The following KCNG3 variants were observed in gnomAD, a reference collection of about 807,000 sequenced individuals.
KCNG3 encodes the protein potassium voltage-gated channel modifier subfamily G member 3.
Under a neutral mutation model 29.0 loss-of-function variants are expected in KCNG3, and 15 were observed. That is an observed-to-expected ratio of 0.52 (90% CI 0.35 to 0.80). The LOEUF (loss-of-function observed/expected upper bound fraction) is 0.80. Among genes scored for constraint, KCNG3 ranks in the 30% least tolerant of loss-of-function variants. The pLI, the probability that KCNG3 is intolerant of heterozygous loss-of-function variation, is 0.01. For missense variants in KCNG3, 512 were observed against 605.7 expected (o/e 0.85, Z 1.62); for synonymous variants, 322 against 248.9 (o/e 1.29, Z -2.76).
At chr2:42,483,387 TCA>T (rs1673640067) in intron 1 of KCNG3, among the ~76,000 whole-genome samples, 1 of 152,188 alleles carries the variant, frequency 6.6e-6, no homozygotes, top group African/African-American at 2.4e-5. Flanking sequence ...AAATATATAC[TCA>T]CACCAATTTG....
chr2:42,459,800 C>T (rs919468148), intron 1 of KCNG3, among the ~76,000 whole-genome samples: 6 of 151,988 alleles, frequency 3.9e-5, no homozygotes, highest in Non-Finnish European at 8.8e-5. Context: ...CATGGTGAAA[C>T]GCTGTCTCTA....
At chr2:42,482,299 T>A (rs780979649) in intron 1 of KCNG3, among the ~76,000 whole-genome samples, 1 of 152,170 alleles carries the variant, frequency 6.6e-6, no homozygotes, top group Non-Finnish European at 1.5e-5. Flanking sequence ...AACCTACAGA[T>A]CGGGCATAGT....
the KCNG3 span, among the ~76,000 whole-genome samples, chr2:42,430,897 G>T: frequency 6.6e-6 from 1 of 152,012 alleles, no homozygotes; most frequent in Admixed American, 6.6e-5. Flanking sequence ...ATCGCTTGAG[G>T]CCAGGAGTTT....
chr2:42,425,456 C>A, the KCNG3 span, among the ~76,000 whole-genome samples: 1 of 148,382 alleles, frequency 6.7e-6, no homozygotes, highest in Non-Finnish European at 1.5e-5. Flanking sequence ...AGTGGGGATG[C>A]GGGGTGTAGA....
intron 1 of KCNG3, among the ~76,000 whole-genome samples, chr2:42,487,992 C>T (rs1185915792): frequency 6.6e-6 from 1 of 152,172 alleles, no homozygotes; most frequent in Non-Finnish European, 1.5e-5. Flanking sequence ...GTGTATTACA[C>T]TGTATTTCTG....
At chr2:42,429,785 A>C in the KCNG3 span, among the ~76,000 whole-genome samples, 1 of 152,206 alleles carries the variant, frequency 6.6e-6, no homozygotes, top group South Asian at 2.1e-4. Flanking sequence ...GAAGCTGGAA[A>C]GTATGAAGAG....
the KCNG3 span, among the ~76,000 whole-genome samples, chr2:42,429,625 T>G: frequency 8.5e-5 from 13 of 152,300 alleles, no homozygotes; most frequent in African/African-American, 3.1e-4. Flanking sequence ...AGGATGGCAC[T>G]TCCAACACTT....
Position 42,443,811 on chromosome 2 carries a change from A to C in KCNG3, c.*123T>G. The C allele has an allele frequency of 1.1e-6, 1 of 915,762 alleles. No individual in the cohort carries two copies. Among genetic ancestry groups the C allele is most frequent in the East Asian group, 2.5e-5 (1 of 39,716 alleles). 56.7% of individuals were successfully genotyped at this position (915,762 alleles called of 1,614,324 possible). A position where few individuals can be genotyped will look rare whatever the true frequency, so the allele number is the denominator to read the frequency against. On this transcript the variant is annotated 3_prime_UTR_variant, in exon 2 of 2. Coordinates refer to ENST00000306078, the MANE Select transcript of KCNG3 (RefSeq NM_133329.6). ...TTTTATCCCTTCGGCTGGGAAGGAT[A>C]ATTTTTACCCTACCAAGATGATGAC...
rs1386000396 is a variant in KCNG3 at position 42,442,798 on chromosome 2, A to G, written c.*1136T>C. 1.3e-5 allele frequency: 2 copies of G among 152,218 alleles called. No homozygotes were observed. Among genetic ancestry groups the G allele is most frequent in the Non-Finnish European group, 2.9e-5 (2 of 68,028 alleles). The allele number at this position is 152,218 out of a possible 1,614,324, so 9.4% of individuals were successfully genotyped here. A position where few individuals can be genotyped will look rare whatever the true frequency, so the allele number is the denominator to read the frequency against. Reference sequence around the variant, plus strand: ...TCTAGCCAGATTAACATGGCATATTAGTCAGTATTCTTACAAGAAGAGTTT... The same window carrying G: ...TCTAGCCAGATTAACATGGCATATTGGTCAGTATTCTTACAAGAAGAGTTT... On this transcript the variant is annotated 3_prime_UTR_variant, in exon 2 of 2. Coordinates refer to ENST00000306078, the MANE Select transcript of KCNG3 (RefSeq NM_133329.6).
the KCNG3 span, among the ~76,000 whole-genome samples, chr2:42,395,652 T>C: frequency 2.6e-5 from 4 of 152,204 alleles, no homozygotes; most frequent in African/African-American, 9.7e-5. Flanking sequence ...TTGAAAATGT[T>C]GTAAATTGAA....
chr2:42,468,422 G>A (rs998788937), intron 1 of KCNG3, among the ~76,000 whole-genome samples: 2 of 152,146 alleles, frequency 1.3e-5, no homozygotes, highest in African/African-American at 2.4e-5. Context: ...CAAGTAAGAT[G>A]AAGGTACAAA....
Position 42,489,823 on chromosome 2 carries a change from T to C in KCNG3, c.665+3014A>G, listed in dbSNP as rs1385401929. Among the ~76,000 whole-genome samples, 3 of 152,216 alleles carry C rather than the reference T, an allele frequency of 2.0e-5. No homozygotes were observed. The East Asian group carries it at 5.8e-4, about 29-fold the overall frequency. ...TCATCAGTCCCTGATGCCTGTGCCC[T>C]TCCAATGCCCTGGATTAATTTTGAC... On this transcript the variant is annotated intron_variant, in intron 1 of 1. Coordinates refer to ENST00000306078, the MANE Select transcript of KCNG3 (RefSeq NM_133329.6).
chr2:42,452,243 A>ATATATATATTTTTT, intron 1 of KCNG3, among the ~76,000 whole-genome samples: 2,197 of 94,742 alleles, frequency 0.023, 50 homozygotes, highest in Non-Finnish European at 0.037. Context: ...ATATATATAT[A>ATATATATATTTTTT]TTTTTTTTTT....
chr2:42,419,169 G>A, the KCNG3 span, among the ~76,000 whole-genome samples: 23 of 142,198 alleles, frequency 1.6e-4, no homozygotes, highest in Admixed American at 2.1e-4. Context: ...GTGGAAATTC[G>A]CATGTGCTGC....
chr2:42,467,746 G>T (rs1673177823), intron 1 of KCNG3, among the ~76,000 whole-genome samples: 1 of 151,504 alleles, frequency 6.6e-6, no homozygotes, highest in Non-Finnish European at 1.5e-5. Flanking sequence ...AAGGCAGGCA[G>T]ACTGCTTGAG....
chr2:42,471,016 G>T (rs928878878), intron 1 of KCNG3, among the ~76,000 whole-genome samples: 1 of 152,066 alleles, frequency 6.6e-6, no homozygotes, highest in African/African-American at 2.4e-5. Context: ...GCCAGGCGTG[G>T]TGGTAAATGC....
At chr2:42,419,997 C>G in the KCNG3 span, among the ~76,000 whole-genome samples, 5 of 151,764 alleles carry the variant, frequency 3.3e-5, no homozygotes, top group Non-Finnish European at 7.4e-5. Context: ...CTGAGGCGGG[C>G]AGATCACCTG....
At chr2:42,472,901 A>ATT (rs1200918383) in intron 1 of KCNG3, among the ~76,000 whole-genome samples, 19 of 96,766 alleles carry the variant, frequency 2.0e-4, no homozygotes, top group South Asian at 1.8e-3. Flanking sequence ...ATATATATAT[A>ATT]TATTTTTTTT....
chr2:42,451,099 G>C (rs1572843659), intron 1 of KCNG3, among the ~76,000 whole-genome samples: 1 of 150,546 alleles, frequency 6.6e-6, no homozygotes, highest in African/African-American at 2.5e-5. Flanking sequence ...CAGCTACTCG[G>C]GAGACTGAGG....
Sources: allele counts gnomAD v4.1 joint callset (sites outside exome capture counted in the v4.1 genomes callset), GRCh38; gene constraint gnomAD v4.1.1; transcripts MANE v1.5; gene names NCBI Gene and HGNC (gene_info 2026-07-23, HGNC 2026-07-21).